The following ACVR1 variants were observed in gnomAD, a reference collection of about 807,000 sequenced individuals.
ACVR1 encodes activin A receptor type 1, also known as activin receptor type-1.
Under a neutral mutation model 57.1 loss-of-function variants are expected in ACVR1, and 38 were observed. That is an observed-to-expected ratio of 0.67 (90% CI 0.51 to 0.87). The LOEUF (loss-of-function observed/expected upper bound fraction) is 0.87. Ranked by LOEUF, ACVR1 falls within the 40% of genes least tolerant of loss-of-function variation. ACVR1 has a pLI of 0.00. For missense variants in ACVR1, 463 were observed against 638.2 expected, an observed-to-expected ratio of 0.73 and a Z score of 2.96; for synonymous variants, 212 against 228.1, an observed-to-expected ratio of 0.93 and a Z score of 0.63.
At chr2:157,755,011 C>A (rs1222779325) in intron 9 of ACVR1, among the ~76,000 whole-genome samples, 6 of 152,080 alleles carry the variant, frequency 3.9e-5, no homozygotes, top group Non-Finnish European at 8.8e-5. Flanking sequence ...ACAAAAATCA[C>A]ATGATCATCT....
intron 3 of ACVR1, among the ~76,000 whole-genome samples, chr2:157,794,967 G>C (rs1687048873): frequency 6.7e-6 from 1 of 149,636 alleles, no homozygotes; most frequent in African/African-American, 2.4e-5. Context: ...ACATTTCGGA[G>C]ACAAAGGGGT....
chr2:157,745,776 A>C (rs1437583148), intron 9 of ACVR1, among the ~76,000 whole-genome samples: 1 of 152,216 alleles, frequency 6.6e-6, no homozygotes, highest in Non-Finnish European at 1.5e-5. Context: ...ACGTCATGAA[A>C]CATGTTGGAT....
At chr2:157,791,528 G>C (rs890745009) in intron 3 of ACVR1, among the ~76,000 whole-genome samples, 5 of 152,250 alleles carry the variant, frequency 3.3e-5, no homozygotes, top group Admixed American at 2.0e-4. Context: ...GGCCTCTCAC[G>C]CTCTAGGGCT....
At chr2:157,839,254 C>T (rs1416876611) in intron 1 of ACVR1, among the ~76,000 whole-genome samples, 3 of 152,140 alleles carry the variant, frequency 2.0e-5, no homozygotes, top group East Asian at 3.9e-4. Flanking sequence ...TGGCCTCTCT[C>T]GGGTCTCGCC....
intron 1 of ACVR1, among the ~76,000 whole-genome samples, chr2:157,825,065 CTT>C (rs976867770): frequency 6.6e-6 from 1 of 152,170 alleles, no homozygotes; most frequent in African/African-American, 2.4e-5. Context: ...TTCTCTCTCT[CTT>C]CTTTATTCCT....
intron 1 of ACVR1, among the ~76,000 whole-genome samples, chr2:157,835,252 C>T (rs180834840): frequency 4.6e-5 from 7 of 152,124 alleles, no homozygotes; most frequent in Non-Finnish European, 1.0e-4. Context: ...GTTAGAACTG[C>T]GGTCCTGCCA....
chr2:157,836,509 C>A (rs1688787652), intron 1 of ACVR1, among the ~76,000 whole-genome samples: 1 of 152,222 alleles, frequency 6.6e-6, no homozygotes, highest in Admixed American at 6.5e-5. Context: ...ACAAAGTCCT[C>A]CATTTCAGGA....
Position 157,814,028 on chromosome 2 carries a change from G to A in ACVR1, c.-8+4357C>T, listed in dbSNP as rs189604392. On this transcript the variant is annotated intron_variant, in intron 2 of 10. Coordinates refer to ENST00000434821, the MANE Select transcript of ACVR1 (RefSeq NM_001111067.4). ...TAAGTAAGAATGTAACTTCCGCTGT[G>A]GAGCAAGAATTAGGGTCTGTTTTTT... is the stretch of plus-strand genomic sequence containing the variant. Among the ~76,000 whole-genome samples, 479 of 152,274 alleles carry A rather than the reference G, an allele frequency of 3.1e-3. 2 individuals are homozygous for A. The highest frequency in any genetic ancestry group is 0.01 in the African/African-American group (428 of 41,542).
intron 2 of ACVR1, among the ~76,000 whole-genome samples, chr2:157,801,650 T>C (rs1687331733): frequency 6.6e-6 from 1 of 152,220 alleles, no homozygotes; most frequent in Non-Finnish European, 1.5e-5. Context: ...TTGATGATAG[T>C]ATGATTCCAC....
At chr2:157,799,629 A>G in intron 2 of ACVR1, 129 bp from the exon 3 acceptor site, 2 of 697,272 alleles carry the variant, frequency 2.9e-6, no homozygotes. Flanking sequence ...ATATTGCCTT[A>G]CTTCTTACTA....
intron 1 of ACVR1, among the ~76,000 whole-genome samples, chr2:157,862,289 C>T (rs1558853465): frequency 6.6e-6 from 1 of 152,018 alleles, no homozygotes; most frequent in East Asian, 1.9e-4. Flanking sequence ...AGGAATTATA[C>T]TATGTTTTGA....
intron 6 of ACVR1, among the ~76,000 whole-genome samples, chr2:157,771,460 A>G (rs1381965163): frequency 6.6e-6 from 1 of 152,128 alleles, no homozygotes. Context: ...GGAGGAGGTA[A>G]TTACCACAAG....
At chr2:157,858,004 C>A (rs141392534) in intron 1 of ACVR1, among the ~76,000 whole-genome samples, 5 of 151,876 alleles carry the variant, frequency 3.3e-5, no homozygotes, top group Non-Finnish European at 7.4e-5. Context: ...CCCTAAGGTC[C>A]CACACTATGC....
intron 1 of ACVR1, among the ~76,000 whole-genome samples, chr2:157,868,011 C>T (rs1475498990): frequency 3.9e-5 from 6 of 152,136 alleles, no homozygotes; most frequent in African/African-American, 1.4e-4. Flanking sequence ...TAATGTGCCT[C>T]TAAATCTCCC....
In ACVR1 at chr2:157,868,083, A is replaced by G. The variant is rs116703017; in HGVS notation, c.-183+7713T>C. 4.1e-3 allele frequency among the ~76,000 whole-genome samples: 632 copies of G among 152,296 alleles called. 4 individuals carry two copies. The highest frequency in any genetic ancestry group is 0.014 in the African/African-American group (598 of 41,568). ...GCTCTACAGAGTCAAGTCACATCAC[A>G]AAGCACTTTTAACTGTGAATGTGCT... On this transcript the variant is annotated intron_variant, in intron 1 of 10. Coordinates refer to ENST00000434821, the MANE Select transcript of ACVR1 (RefSeq NM_001111067.4).
chr2:157,742,945 G>T (rs530928617), intron 9 of ACVR1, among the ~76,000 whole-genome samples: 1 of 152,176 alleles, frequency 6.6e-6, no homozygotes, highest in Non-Finnish European at 1.5e-5. Context: ...AGCTGAAAAA[G>T]GAGTTCACCG....
chr2:157,769,678 A>G (rs1190252083), intron 7 of ACVR1, among the ~76,000 whole-genome samples: 4 of 152,236 alleles, frequency 2.6e-5, no homozygotes, highest in Admixed American at 6.5e-5. Context: ...GTTAAATTCT[A>G]TATAAACTTT....
rs1411139919 is a variant in ACVR1, at chr2:157,836,838, A to AC, written c.-182-18280dup. Among the ~76,000 whole-genome samples, 3 of 152,114 alleles carry AC rather than the reference A, an allele frequency of 2.0e-5. No homozygotes were observed. The East Asian group carries it at 5.8e-4, about 29-fold the overall frequency. ...GAATTTAAAAGTAATGTGTGCCCTT[A>AC]CCCCACAACACCAGCATTCTGAAGG... On this transcript the variant is annotated intron_variant, in intron 1 of 10. Coordinates refer to ENST00000434821, the MANE Select transcript of ACVR1 (RefSeq NM_001111067.4).
At chr2:157,827,554 C>A (rs1017669437) in intron 1 of ACVR1, among the ~76,000 whole-genome samples, 11 of 152,182 alleles carry the variant, frequency 7.2e-5, no homozygotes, top group African/African-American at 2.7e-4. Context: ...GAAAAATAGT[C>A]TCTTACTTAT....
Sources: allele counts gnomAD v4.1 joint callset (sites outside exome capture counted in the v4.1 genomes callset), GRCh38; gene constraint gnomAD v4.1.1; transcripts MANE v1.5; gene names NCBI Gene and HGNC (gene_info 2026-07-23, HGNC 2026-07-21).